TBC1D7: variants seen among roughly 807,000 people sequenced by gnomAD.
TBC1D7 encodes the protein TBC1 domain family member 7.
In TBC1D7, 33 loss-of-function variants were observed where a neutral mutation model predicts 35.3. The ratio of observed to expected loss-of-function variants is 0.93; its 90% confidence interval spans 0.71 to 1.25. The LOEUF (loss-of-function observed/expected upper bound fraction) is 1.25. TBC1D7 is among the 50% of genes most tolerant of loss of function. The pLI is 0.00. For synonymous variants in TBC1D7, 135 were observed against 129.5 expected (o/e 1.04, Z -0.29); for missense variants, 362 against 365.3 (o/e 0.99, Z 0.07).
intron 4 of TBC1D7, 154 bp downstream of exon 4, chr6:13,320,754 T>C (rs1783976922): frequency 1.3e-6 from 1 of 780,478 alleles, no homozygotes; most frequent in Non-Finnish European, 2.3e-6. Context: ...AGAATGTGCA[T>C]GGCCATGAAT....
intron 3 of TBC1D7, among the ~76,000 whole-genome samples, chr6:13,321,901 T>C (rs1248290066): frequency 3.3e-5 from 5 of 151,982 alleles, no homozygotes; most frequent in Non-Finnish European, 7.4e-5. Flanking sequence ...ATTTGGGAAA[T>C]GGTGACAATG....
intron 3 of TBC1D7, among the ~76,000 whole-genome samples, chr6:13,321,879 C>G (rs949284109): frequency 6.6e-6 from 1 of 152,150 alleles, no homozygotes; most frequent in Non-Finnish European, 1.5e-5. Flanking sequence ...AAAAAATGCC[C>G]TCATCAAACA....
intron 5 of TBC1D7, among the ~76,000 whole-genome samples, chr6:13,314,901 A>C (rs1188942551): frequency 6.6e-6 from 1 of 152,214 alleles, no homozygotes; most frequent in African/African-American, 2.4e-5. Context: ...AAACTAGAAA[A>C]AAAGAAAGTG....
chr6:13,313,180 A>G (rs1434628753), intron 5 of TBC1D7, among the ~76,000 whole-genome samples: 1 of 152,222 alleles, frequency 6.6e-6, no homozygotes, highest in African/African-American at 2.4e-5. Flanking sequence ...TACTGTCTCA[A>G]TGAGTCCTAG....
At position 13,321,105 on chromosome 6, in the gene TBC1D7, AC is replaced by A; in HGVS notation, c.194-11del. On this transcript the variant is annotated splice_polypyrimidine_tract_variant and intron_variant, in intron 3 of 7. Transcript: ENST00000379300. ...TGTGGAGGCAAGATTCCTAGAGAGA[AC>A]AGGAAAAACGAAAAAAGGACAAAAT... is the stretch of plus-strand genomic sequence containing the variant. 6.3e-7 allele frequency: 1 copy of A among 1,599,950 alleles called. No individual in the cohort carries two copies. Among genetic ancestry groups the A allele is most frequent in the Admixed American group, 1.7e-5 (1 of 58,120 alleles).
At position 13,304,976 on chromosome 6, in the gene TBC1D7, G is replaced by GA; in HGVS notation, c.*124dup. 2 of 751,220 alleles carry GA rather than the reference G, an allele frequency of 2.7e-6. No homozygotes were observed. The highest frequency in any genetic ancestry group is 4.1e-6 in the Non-Finnish European group (2 of 484,450). 46.5% of individuals were successfully genotyped at this position (751,220 alleles called of 1,614,324 possible). A position where few individuals can be genotyped will look rare whatever the true frequency, so the allele number is the denominator to read the frequency against. ...TTTCAATTAAATAATTTTATTGGGG[G>GA]AAAAAAACCACTTTGAGCACCAAAG... On this transcript the variant is annotated 3_prime_UTR_variant, in exon 8 of 8. Transcript: ENST00000379300.
intron 3 of TBC1D7, among the ~76,000 whole-genome samples, chr6:13,323,368 A>C (rs912277151): frequency 6.6e-6 from 1 of 152,110 alleles, no homozygotes; most frequent in Admixed American, 6.5e-5. Context: ...AAAAATTAAA[A>C]AAAAAGAAAG....
intron 5 of TBC1D7, among the ~76,000 whole-genome samples, chr6:13,309,992 C>A (rs1272345139): frequency 1.3e-5 from 2 of 152,194 alleles, no homozygotes; most frequent in African/African-American, 4.8e-5. Flanking sequence ...TCACTGCCTA[C>A]CTATCAGAAT....
chr6:13,327,935 G>A (rs949395532), intron 1 of TBC1D7: 1 of 152,178 alleles, frequency 6.6e-6, no homozygotes, highest in African/African-American at 2.4e-5. Context: ...TTATTGAAAA[G>A]ATATCCTCTG....
At chr6:13,309,265 A>T (rs1783028088) in intron 5 of TBC1D7, among the ~76,000 whole-genome samples, 1 of 152,242 alleles carries the variant, frequency 6.6e-6, no homozygotes. Flanking sequence ...AGAAAATTTC[A>T]TCCAAAAGTC....
At chr6:13,322,844 G>C (rs1467023810) in intron 3 of TBC1D7, among the ~76,000 whole-genome samples, 1 of 152,208 alleles carries the variant, frequency 6.6e-6, no homozygotes, top group Non-Finnish European at 1.5e-5. Flanking sequence ...CACCCTGCTA[G>C]AGGCAGCACA....
intron 3 of TBC1D7, among the ~76,000 whole-genome samples, chr6:13,324,487 A>C (rs1297343869): frequency 6.6e-6 from 1 of 152,198 alleles, no homozygotes; most frequent in Admixed American, 6.5e-5. Context: ...TATATGCTCC[A>C]GCAGGCTCAG....
chr6:13,324,353 C>G (rs571996504), intron 3 of TBC1D7, among the ~76,000 whole-genome samples: 2 of 152,308 alleles, frequency 1.3e-5, no homozygotes, highest in East Asian at 3.9e-4. Context: ...TGGTCTCAAT[C>G]TCCTGACTGC....
chr6:13,305,247 C>G, intron 7 of TBC1D7, 60 bp from the exon 8 acceptor site: 1 of 1,496,852 alleles, frequency 6.7e-7, no homozygotes. Context: ...AGTGTCTTCC[C>G]TCATTCGCTG....
intron 6 of TBC1D7, chr6:13,307,043 G>GAA: frequency 6.5e-6 from 1 of 154,618 alleles, no homozygotes; most frequent in Admixed American, 6.4e-5. Flanking sequence ...GATCATTCCT[G>GAA]TAACTCCTAA....
chr6:13,327,571 A>C (rs1429468146), intron 1 of TBC1D7: 1 of 152,242 alleles, frequency 6.6e-6, no homozygotes, highest in African/African-American at 2.4e-5. Context: ...CAAAACCCAC[A>C]ACAAATAAAT....
At chr6:13,324,376 C>G (rs1320428459) in intron 3 of TBC1D7, among the ~76,000 whole-genome samples, 1 of 152,140 alleles carries the variant, frequency 6.6e-6, no homozygotes, top group African/African-American at 2.4e-5. Context: ...GATCTGCCCG[C>G]CTTGGCCTCC....
intron 5 of TBC1D7, among the ~76,000 whole-genome samples, chr6:13,313,953 T>C (rs778530185): frequency 2.0e-5 from 3 of 152,194 alleles, no homozygotes; most frequent in African/African-American, 4.8e-5. Context: ...AGTATAATAC[T>C]ACTTAATGTG....
In TBC1D7 at chr6:13,328,402, G is replaced by C. The variant is rs1784547055; in HGVS notation, c.-115C>G. The C allele has an allele frequency of 6.5e-6, 1 of 153,294 alleles. No homozygotes were observed. Among genetic ancestry groups the C allele is most frequent in the East Asian group, 1.9e-4 (1 of 5,208 alleles). 9.5% of individuals were successfully genotyped at this position (153,294 alleles called of 1,614,324 possible). A position where few individuals can be genotyped will look rare whatever the true frequency, so the allele number is the denominator to read the frequency against. ...CCGCCGGGCAGGCGGGCACCGTTGG[G>C]GCCCAGGGCCAGGAGGGACGAGTCC... On this transcript the variant is annotated 5_prime_UTR_variant, in exon 1 of 8. Coordinates refer to ENST00000379300, the MANE Select transcript of TBC1D7 (RefSeq NM_016495.6).
Sources: gnomAD v4.1 joint callset for allele counts (sites outside exome capture counted in the v4.1 genomes callset) on GRCh38, gnomAD v4.1.1 for gene constraint, MANE v1.5 for transcripts, NCBI Gene and HGNC (gene_info 2026-07-23, HGNC 2026-07-21) for gene names.